ALPK2: variants seen among roughly 807,000 people sequenced by gnomAD.
The protein encoded by ALPK2 is alpha-protein kinase 2.
In ALPK2, 127 loss-of-function variants were observed where a neutral mutation model predicts 163.1. The ratio of observed to expected loss-of-function variants is 0.78; its 90% CI spans 0.67 to 0.90. The LOEUF is 0.90. ALPK2 is among the 40% of genes least tolerant of loss of function. The probability of loss-of-function intolerance (pLI) is 0.00; values close to 1 mark genes in which losing one functional copy is unlikely to be tolerated. For synonymous variants in ALPK2, 953 were observed against 959.1 expected, an observed-to-expected ratio of 0.99 and a Z score of 0.12; for missense variants, 2,360 against 2,589.6, an observed-to-expected ratio of 0.91 and a Z score of 1.92.
chr18:58,554,012 C>T (rs1286618894), intron 4 of ALPK2, among the ~76,000 whole-genome samples: 1 of 151,946 alleles, frequency 6.6e-6, no homozygotes, highest in Non-Finnish European at 1.5e-5. Context: ...CAGGTGTGCG[C>T]CACAAAGCCT....
chr18:58,617,633 G>A (rs539881934), intron 1 of ALPK2, among the ~76,000 whole-genome samples: 3 of 152,070 alleles, frequency 2.0e-5, no homozygotes, highest in Non-Finnish European at 4.4e-5. Flanking sequence ...GGAAGAATCT[G>A]GTATCCTTTT....
At position 58,581,608 on chromosome 18, in the gene ALPK2, G is replaced by A. The variant is rs544795435; in HGVS notation, c.228-1060C>T. ...GCCTGCAGCCTGACATACTTTACTGGGTCCTTTCCCACTGGAACTCTTCTC... is the reference window on the plus strand; with the variant it reads ...GCCTGCAGCCTGACATACTTTACTGAGTCCTTTCCCACTGGAACTCTTCTC... On this transcript the variant is annotated intron_variant, in intron 3 of 12. Coordinates refer to ENST00000361673, the MANE Select transcript of ALPK2 (RefSeq NM_052947.4). 2.6e-5 allele frequency among the ~76,000 whole-genome samples: 4 copies of A among 152,302 alleles called. No individual in the cohort carries two copies. In the South Asian group the frequency reaches 8.3e-4, roughly 32 times the overall value.
At chr18:58,608,509 C>G (rs1344555491) in intron 2 of ALPK2, among the ~76,000 whole-genome samples, 1 of 152,182 alleles carries the variant, frequency 6.6e-6, no homozygotes, top group Non-Finnish European at 1.5e-5. Context: ...GAAAATATGT[C>G]AAAATGTGCC....
intron 5 of ALPK2, among the ~76,000 whole-genome samples, chr18:58,534,547 G>A (rs1258980792): frequency 6.6e-6 from 1 of 152,178 alleles, no homozygotes; most frequent in African/African-American, 2.4e-5. Flanking sequence ...CATGCCTACA[G>A]GCGGCCTTTA....
chr18:58,628,895 AG>A lies in ALPK2; in HGVS notation c.-153del, dbSNP rs755157167. Reference sequence around the variant, plus strand: ...GGATTCAAAGGAGTTTATAGGGCTCAGGGTCTTCCATGATCAGGTCAAAGCA... The same window carrying A: ...GGATTCAAAGGAGTTTATAGGGCTCAGGTCTTCCATGATCAGGTCAAAGCA... On this transcript the variant is annotated 5_prime_UTR_variant, in exon 1 of 13. It removes the in-frame stop codon of an upstream open reading frame in the 5' UTR. Transcript: ENST00000361673. 1.3e-5 allele frequency: 2 copies of A among 152,206 alleles called. No individual in the cohort carries two copies. Among genetic ancestry groups the A allele is most frequent in the African/African-American group, 2.4e-5 (1 of 41,444 alleles). The allele number at this position is 152,206 out of a possible 1,614,324, so 9.4% of individuals were successfully genotyped here.
At chr18:58,626,252 A>G (rs1034952049) in intron 1 of ALPK2, among the ~76,000 whole-genome samples, 1 of 152,078 alleles carries the variant, frequency 6.6e-6, no homozygotes. Flanking sequence ...CCGCTTGTGA[A>G]TCTCGTCTGC....
intron 12 of ALPK2, among the ~76,000 whole-genome samples, chr18:58,483,036 C>T (rs1309999867): frequency 6.6e-6 from 1 of 152,192 alleles, no homozygotes; most frequent in African/African-American, 2.4e-5. Context: ...AATCCAGTCA[C>T]AGCTCCTCAC....
At chr18:58,619,281 AT>A (rs2052186206) in intron 1 of ALPK2, among the ~76,000 whole-genome samples, 1 of 149,926 alleles carries the variant, frequency 6.7e-6, no homozygotes. Flanking sequence ...GTTCTTTGCT[AT>A]TTCCCAGCTA....
chr18:58,521,787 C>T (rs181361296), intron 8 of ALPK2, among the ~76,000 whole-genome samples: 97 of 151,754 alleles, frequency 6.4e-4, no homozygotes, highest in African/African-American at 2.2e-3. Context: ...GCCACCATGC[C>T]GCGCTAATTT....
intron 3 of ALPK2, among the ~76,000 whole-genome samples, chr18:58,581,399 G>A (rs928717961): frequency 1.3e-5 from 2 of 152,196 alleles, no homozygotes; most frequent in Admixed American, 6.5e-5. Flanking sequence ...ACCACAGCCC[G>A]TGAGCTCCAC....
intron 1 of ALPK2, among the ~76,000 whole-genome samples, chr18:58,616,152 G>T (rs932112344): frequency 1.3e-5 from 2 of 152,236 alleles, no homozygotes; most frequent in African/African-American, 2.4e-5. Flanking sequence ...TAATTGGAAA[G>T]AATGCTGGAT....
rs762771584 is a variant in ALPK2, at chr18:58,515,049, A to G, written c.5973T>C (p.Tyr1991=). Residue 1991 remains tyrosine, a synonymous_variant, in exon 10 of 13, where the codon TAT becomes TAC. Transcript: ENST00000361673. The part of the protein sequence containing the change: ...ECYVQNTARY[Y]AKIYAAEAQP... ...GTGCTTCAGCAGCGTAGATCTTGGC[A>G]TAATACCTGGCAGTATTTTGAACAT... 6.8e-6 allele frequency: 11 copies of G among 1,612,484 alleles called. No homozygotes were observed. Among genetic ancestry groups the G allele is most frequent in the Admixed American group, 1.7e-5 (1 of 59,888 alleles).
At chr18:58,593,830 A>G (rs1434575219) in intron 3 of ALPK2, among the ~76,000 whole-genome samples, 1 of 152,002 alleles carries the variant, frequency 6.6e-6, no homozygotes, top group Non-Finnish European at 1.5e-5. Context: ...GTGAGCCGAG[A>G]TCGCACCATT....
intron 2 of ALPK2, among the ~76,000 whole-genome samples, chr18:58,608,937 G>A (rs568180046): frequency 7.5e-5 from 11 of 146,952 alleles, no homozygotes; most frequent in African/African-American, 1.0e-4. Flanking sequence ...CAGCCTGGGC[G>A]ACAGAGTGGG....
intron 4 of ALPK2, among the ~76,000 whole-genome samples, chr18:58,555,740 C>T (rs1439312396): frequency 2.6e-5 from 4 of 152,206 alleles, no homozygotes; most frequent in African/African-American, 7.2e-5. Flanking sequence ...GGTGGCCCAA[C>T]ATGGTGAACA....
At chr18:58,616,655 C>G (rs748733915) in intron 1 of ALPK2, among the ~76,000 whole-genome samples, 33 of 152,208 alleles carry the variant, frequency 2.2e-4, no homozygotes, top group Non-Finnish European at 3.8e-4. Context: ...GTGGCACATC[C>G]CAACTCCATG....
chr18:58,591,209 G>A (rs1019570313), intron 3 of ALPK2, among the ~76,000 whole-genome samples: 2 of 152,124 alleles, frequency 1.3e-5, no homozygotes, highest in African/African-American at 4.8e-5. Flanking sequence ...TGCACTAAAT[G>A]CTTCAAAATG....
chr18:58,554,389 T>A (rs1325993043), intron 4 of ALPK2, among the ~76,000 whole-genome samples: 1 of 152,210 alleles, frequency 6.6e-6, no homozygotes, highest in Non-Finnish European at 1.5e-5. Context: ...GGCACCATGG[T>A]TGCTGGTAGT....
intron 6 of ALPK2, 61 bp from the exon 7 acceptor site, chr18:58,524,123 ATATACT>A: frequency 1.3e-6 from 2 of 1,558,584 alleles, no homozygotes; most frequent in Non-Finnish European, 1.7e-6. Context: ...TTTTTTCCTA[ATATACT>A]TAAGGAGAAA....
Sources: gnomAD v4.1 joint callset for allele counts (sites outside exome capture counted in the v4.1 genomes callset) on GRCh38, gnomAD v4.1.1 for gene constraint, MANE v1.5 for transcripts, NCBI Gene and HGNC (gene_info 2026-07-23, HGNC 2026-07-21) for gene names.